FGF14: variants seen among roughly 807,000 people sequenced by gnomAD.
FGF14 encodes fibroblast growth factor homologous factor 4.
A neutral mutation model predicts 25.5 loss-of-function variants in FGF14; 5 were observed. The ratio of observed to expected loss-of-function variants is 0.20; its 90% CI spans 0.10 to 0.41. The LOEUF (loss-of-function observed/expected upper bound fraction) is 0.41, where lower values mean the gene tolerates loss of function less well. Ranked by LOEUF, FGF14 falls within the 10% of genes least tolerant of loss-of-function variation. The probability of loss-of-function intolerance (pLI) is 1.00; values close to 1 mark genes in which losing one functional copy is unlikely to be tolerated. For synonymous variants in FGF14, 138 were observed against 118.3 expected (o/e 1.17, Z -1.08); for missense variants, 222 against 320.1 (o/e 0.69, Z 2.34).
At chr13:101,963,924 A>G (rs769363251) in intron 1 of FGF14, among the ~76,000 whole-genome samples, 10 of 152,230 alleles carry the variant, frequency 6.6e-5, no homozygotes, top group Non-Finnish European at 1.5e-4. Context: ...GTACTCAGAC[A>G]AGAGGAGTTG....
rs372585813 is a variant in FGF14, at chr13:101,887,328, G to GTGTATATA, written c.194-12033_194-12032insTATATACA. Among the ~76,000 whole-genome samples, 1,253 of 147,606 alleles carry GTGTATATA rather than the reference G, an allele frequency of 8.5e-3. 8 individuals are homozygous for GTGTATATA. Among genetic ancestry groups the GTGTATATA allele is most frequent in the Middle Eastern group, 0.014 (4 of 286 alleles). ...GTAAATATATTTCATATATATGTGT[G>GTGTATATA]TATATATATATATATATACACACAC... On this transcript the variant is annotated intron_variant, in intron 1 of 4. Transcript: ENST00000376143.
intron 1 of FGF14, among the ~76,000 whole-genome samples, chr13:102,345,383 G>A (rs1594906126): frequency 6.6e-6 from 1 of 152,146 alleles, no homozygotes; most frequent in East Asian, 1.9e-4. Context: ...CACTACTTTG[G>A]CATGTCCTCC....
At chr13:102,161,650 A>C (rs1390447713) in intron 1 of FGF14, among the ~76,000 whole-genome samples, 39 of 42,852 alleles carry the variant, frequency 9.1e-4, no homozygotes, top group African/African-American at 3.7e-3. Flanking sequence ...GAAGAAGAAG[A>C]AGAAGAAGAA....
chr13:101,801,910 T>C (rs2040893832), intron 3 of FGF14: 3 of 407,622 alleles, frequency 7.4e-6, no homozygotes, highest in Non-Finnish European at 1.4e-5. Context: ...AACCAAAGGG[T>C]AAGATGTCTG....
intron 3 of FGF14, among the ~76,000 whole-genome samples, chr13:101,743,409 T>C (rs909152495): frequency 7.2e-5 from 11 of 152,120 alleles, no homozygotes; most frequent in Non-Finnish European, 1.3e-4. Flanking sequence ...AGGAGGAAAA[T>C]TTAAGGCTTT....
At chr13:101,780,648 A>G (rs2039432133) in intron 3 of FGF14, among the ~76,000 whole-genome samples, 1 of 151,952 alleles carries the variant, frequency 6.6e-6, no homozygotes, top group Non-Finnish European at 1.5e-5. Flanking sequence ...GGTGCACTTG[A>G]CATGTCTTTA....
intron 1 of FGF14, among the ~76,000 whole-genome samples, chr13:101,897,239 A>T (rs546558684): frequency 9.2e-5 from 14 of 152,242 alleles, no homozygotes; most frequent in African/African-American, 3.4e-4. Flanking sequence ...GCATTATCTC[A>T]TTCAAGTTTT....
chr13:101,803,883 T>C (rs1470941745), intron 3 of FGF14, among the ~76,000 whole-genome samples: 1 of 152,110 alleles, frequency 6.6e-6, no homozygotes, highest in Non-Finnish European at 1.5e-5. Flanking sequence ...GAGTAGGCAG[T>C]TGAATTAATA....
chr13:102,187,911 T>A (rs1037813776), intron 1 of FGF14, among the ~76,000 whole-genome samples: 4 of 152,174 alleles, frequency 2.6e-5, no homozygotes, highest in African/African-American at 9.7e-5. Context: ...GGGTAAATGA[T>A]TTGACATTTT....
chr13:101,906,279 C>A (rs138348992), intron 1 of FGF14, among the ~76,000 whole-genome samples: 314 of 152,116 alleles, frequency 2.1e-3, no homozygotes, highest in African/African-American at 7.3e-3. Context: ...ACAATCTAAG[C>A]CACAGAAATG....
intron 1 of FGF14, among the ~76,000 whole-genome samples, chr13:101,968,242 C>T (rs1213478101): frequency 1.3e-5 from 2 of 151,900 alleles, no homozygotes; most frequent in Non-Finnish European, 1.5e-5. Context: ...ATGGCTATGC[C>T]TAATTTATTA....
chr13:102,021,993 A>G (rs1182834173), intron 1 of FGF14, among the ~76,000 whole-genome samples: 1 of 152,054 alleles, frequency 6.6e-6, no homozygotes, highest in African/African-American at 2.4e-5. Context: ...CAGTGATGTC[A>G]TGATTCACGG....
At chr13:101,915,766 T>C (rs2139118338) in intron 1 of FGF14, among the ~76,000 whole-genome samples, 1 of 152,340 alleles carries the variant, frequency 6.6e-6, no homozygotes, top group East Asian at 1.9e-4. Context: ...GGATTTTTAC[T>C]TCTGCCCCCC....
chr13:102,209,589 A>T (rs1216887151), intron 1 of FGF14, among the ~76,000 whole-genome samples: 5 of 152,172 alleles, frequency 3.3e-5, no homozygotes, highest in Non-Finnish European at 7.3e-5. Context: ...GCAATTCTCC[A>T]GTGAGAGGCA....
chr13:101,880,875 G>T (rs1259284731), intron 1 of FGF14, among the ~76,000 whole-genome samples: 1 of 152,136 alleles, frequency 6.6e-6, no homozygotes, highest in Admixed American at 6.5e-5. Context: ...TCTATAAATG[G>T]TTTTTGAGGC....
intron 3 of FGF14, among the ~76,000 whole-genome samples, chr13:101,811,610 TTCCTTTGCATAGAGGCCAA>T (rs1418071632): frequency 1.3e-5 from 2 of 152,236 alleles, no homozygotes; most frequent in African/African-American, 4.8e-5. Flanking sequence ...ATGTTTTCAA[TTCCTTTGCATAGAGGCCAA>T]GGGACATGAT....
In FGF14 at chr13:102,313,008, C is replaced by T. The variant is rs1311829951; in HGVS notation, c.208+88463G>A. Among the ~76,000 whole-genome samples, 4 of 152,268 alleles carry T rather than the reference C, an allele frequency of 2.6e-5. No individual in the cohort carries two copies. In the South Asian group the frequency reaches 6.2e-4, roughly 24 times the overall value. On this transcript the variant is annotated intron_variant, in intron 1 of 4. Transcript: ENST00000376131. ...CAAGTGAGTTCTCCTCCTCCTGTAG[C>T]GGACCAACCTACTCCTTCCTGAGCC...
intron 1 of FGF14, among the ~76,000 whole-genome samples, chr13:101,968,646 C>A (rs190748927): frequency 7.3e-6 from 1 of 136,816 alleles, no homozygotes; most frequent in East Asian, 2.5e-4. Flanking sequence ...GCAATCCAGC[C>A]TGGGCGACAG....
intron 1 of FGF14, among the ~76,000 whole-genome samples, chr13:101,989,131 G>GAT (rs1338537347): frequency 6.6e-6 from 1 of 152,068 alleles, no homozygotes; most frequent in Non-Finnish European, 1.5e-5. Context: ...TTTCACTGAA[G>GAT]ATATACTTTT....
Sources: allele counts gnomAD v4.1 joint callset (sites outside exome capture counted in the v4.1 genomes callset), GRCh38; gene constraint gnomAD v4.1.1; transcripts MANE v1.5; gene names NCBI Gene and HGNC (gene_info 2026-07-23, HGNC 2026-07-21).